Variants in RNGTT observed in about 807,000 individuals in gnomAD.
RNGTT encodes RNA guanylyltransferase and 5'-phosphatase.
RNGTT carries 33 observed loss-of-function variants against 79.3 expected under a neutral mutation model. The observed-to-expected ratio is 0.42, with a 90% CI of 0.32 to 0.56. The LOEUF (loss-of-function observed/expected upper bound fraction) is 0.56. Among genes scored for constraint, RNGTT ranks in the 20% least tolerant of loss-of-function variants. The pLI is 0.17. For synonymous variants in RNGTT, 222 were observed against 235.9 expected (o/e 0.94, Z 0.54); for missense variants, 497 against 739.1 (o/e 0.67, Z 3.80).
At chr6:88,749,400 C>T (rs186509430) in intron 13 of RNGTT, among the ~76,000 whole-genome samples, 3 of 151,278 alleles carry the variant, frequency 2.0e-5, no homozygotes, top group East Asian at 3.9e-4. Context: ...GTTAGATGTG[C>T]GTGCTAAAAT....
intron 13 of RNGTT, among the ~76,000 whole-genome samples, chr6:88,743,373 G>A (rs559623982): frequency 3.3e-5 from 5 of 152,046 alleles, no homozygotes; most frequent in Admixed American, 1.3e-4. Flanking sequence ...TGAACAGTTC[G>A]GTGGTATTAA....
intron 4 of RNGTT, among the ~76,000 whole-genome samples, chr6:88,917,513 A>AT (rs1784035623): frequency 6.6e-6 from 1 of 152,244 alleles, no homozygotes; most frequent in Non-Finnish European, 1.5e-5. Flanking sequence ...CCTGTGAAAC[A>AT]TACTAAAGAT....
intron 4 of RNGTT, among the ~76,000 whole-genome samples, chr6:88,910,628 T>C (rs1426482736): frequency 6.6e-6 from 1 of 152,126 alleles, no homozygotes; most frequent in African/African-American, 2.4e-5. Context: ...CATGCTAATA[T>C]AAGAAACTCA....
chr6:88,620,370 CAG>C (rs142852271), intron 14 of RNGTT, among the ~76,000 whole-genome samples: 2 of 152,274 alleles, frequency 1.3e-5, no homozygotes, highest in East Asian at 3.9e-4. Flanking sequence ...CCAATAAAAT[CAG>C]AGTTAGTCAT....
At chr6:88,665,491 A>G (rs1443383202) in intron 14 of RNGTT, among the ~76,000 whole-genome samples, 3 of 152,192 alleles carry the variant, frequency 2.0e-5, no homozygotes, top group African/African-American at 4.8e-5. Flanking sequence ...CGATTGGTCA[A>G]TCAAGCCACA....
intron 11 of RNGTT, among the ~76,000 whole-genome samples, chr6:88,808,046 G>T (rs1208699322): frequency 6.6e-6 from 1 of 152,016 alleles, no homozygotes; most frequent in East Asian, 1.9e-4. Context: ...TAGAATATAA[G>T]AAATTTTAAA....
intron 12 of RNGTT, among the ~76,000 whole-genome samples, chr6:88,771,344 T>C (rs879434781): frequency 0.15 from 20,191 of 131,222 alleles, 2,072 homozygotes; most frequent in Middle Eastern, 0.28. Flanking sequence ...TATATATATA[T>C]ATATATACAC....
intron 4 of RNGTT, among the ~76,000 whole-genome samples, chr6:88,914,852 A>T (rs1783947723): frequency 6.6e-6 from 1 of 152,246 alleles, no homozygotes; most frequent in Non-Finnish European, 1.5e-5. Context: ...ACAGAATGGG[A>T]GAAAATATTC....
chr6:88,847,544 G>A (rs1170917939), intron 10 of RNGTT, among the ~76,000 whole-genome samples: 2 of 151,898 alleles, frequency 1.3e-5, no homozygotes, highest in East Asian at 1.9e-4. Flanking sequence ...TTAAATATAC[G>A]ATACTTTCAA....
At chr6:88,887,174 T>C (rs996177533) in intron 8 of RNGTT, among the ~76,000 whole-genome samples, 29 of 152,096 alleles carry the variant, frequency 1.9e-4, no homozygotes, top group African/African-American at 7.0e-4. Flanking sequence ...GGTTTCCTAT[T>C]ACACTCAATT....
chr6:88,708,946 T>G (rs1167300142), intron 13 of RNGTT, among the ~76,000 whole-genome samples: 1 of 152,168 alleles, frequency 6.6e-6, no homozygotes. Flanking sequence ...GTATTATTCA[T>G]ATTCACTTAG....
intron 13 of RNGTT, among the ~76,000 whole-genome samples, chr6:88,718,117 G>T (rs908589608): frequency 6.6e-6 from 1 of 152,158 alleles, no homozygotes; most frequent in Non-Finnish European, 1.5e-5. Flanking sequence ...TTATAGCTAG[G>T]TGTGGTGACT....
chr6:88,824,198 C>T (rs916654825), intron 11 of RNGTT, among the ~76,000 whole-genome samples: 4 of 152,130 alleles, frequency 2.6e-5, no homozygotes, highest in Admixed American at 2.6e-4. Context: ...GTGTAAACAT[C>T]ACCGACTGCT....
chr6:88,943,251 T>G (rs1232307842), intron 1 of RNGTT, among the ~76,000 whole-genome samples: 1 of 152,196 alleles, frequency 6.6e-6, no homozygotes, highest in Non-Finnish European at 1.5e-5. Flanking sequence ...CTCTTAATAC[T>G]CAAACTCTAA....
intron 8 of RNGTT, among the ~76,000 whole-genome samples, chr6:88,861,648 T>C (rs1459445321): frequency 6.6e-6 from 1 of 152,160 alleles, no homozygotes; most frequent in Non-Finnish European, 1.5e-5. Context: ...CAACGAAAAC[T>C]CTGATCAAAG....
At chr6:88,955,650 C>T (rs1785402489) in intron 1 of RNGTT, among the ~76,000 whole-genome samples, 1 of 151,280 alleles carries the variant, frequency 6.6e-6, no homozygotes, top group African/African-American at 2.4e-5. Context: ...ATAAACTGAA[C>T]CCAAACCCAG....
At chr6:88,871,908 C>G (rs943142966) in intron 8 of RNGTT, among the ~76,000 whole-genome samples, 3 of 152,118 alleles carry the variant, frequency 2.0e-5, no homozygotes, top group Non-Finnish European at 4.4e-5. Flanking sequence ...CATTCCCCCC[C>G]ATAAAAACAA....
At chr6:88,730,206 C>T (rs571064134) in intron 13 of RNGTT, among the ~76,000 whole-genome samples, 2 of 152,330 alleles carry the variant, frequency 1.3e-5, no homozygotes, top group Admixed American at 1.3e-4. Flanking sequence ...TTGCCTTCTA[C>T]TTTTAAACTT....
chr6:88,760,599 C>A (rs929091601), intron 13 of RNGTT, among the ~76,000 whole-genome samples: 6 of 152,022 alleles, frequency 3.9e-5, no homozygotes, highest in African/African-American at 1.2e-4. Context: ...ATTAAGCATA[C>A]TATAATAATA....
Sources: gnomAD v4.1 joint callset for allele counts (sites outside exome capture counted in the v4.1 genomes callset) on GRCh38, gnomAD v4.1.1 for gene constraint, MANE v1.5 for transcripts, NCBI Gene and HGNC (gene_info 2026-07-23, HGNC 2026-07-21) for gene names.